UPF1: variants seen among roughly 807,000 people sequenced by gnomAD.
UPF1 encodes the protein regulator of nonsense transcripts 1.
A neutral mutation model predicts 129.2 loss-of-function variants in UPF1; 9 were observed. The observed-to-expected ratio is 0.07, with a 90% confidence interval of 0.04 to 0.12. The LOEUF is 0.12. Ranked by LOEUF, UPF1 falls within the 10% of genes least tolerant of loss-of-function variation. The pLI is 1.00. For synonymous variants in UPF1, 649 were observed against 644.9 expected, an observed-to-expected ratio of 1.01 and a Z score of -0.10; for missense variants, 788 against 1,525.3, an observed-to-expected ratio of 0.52 and a Z score of 8.05.
intron 3 of UPF1, 26 bp downstream of exon 3, chr19:18,847,859 G>C (rs368539038): frequency 1.2e-6 from 2 of 1,603,618 alleles, no homozygotes; most frequent in Admixed American, 1.7e-5. Context: ...ATGCATGTGT[G>C]TTTAATCAGT....
intron 1 of UPF1, among the ~76,000 whole-genome samples, chr19:18,837,950 C>G (rs1381185870): frequency 6.6e-6 from 1 of 152,246 alleles, no homozygotes; most frequent in Non-Finnish European, 1.5e-5. Flanking sequence ...TCCTGCCAGA[C>G]TTCTCTGTAT....
At chr19:18,843,692 T>TTTTAGTA (rs2055566453) in intron 1 of UPF1, among the ~76,000 whole-genome samples, 1 of 150,300 alleles carries the variant, frequency 6.7e-6, no homozygotes, top group Non-Finnish European at 1.5e-5. Flanking sequence ...TTAGTAGAGA[T>TTTTAGTA]GGGGTTTTGC....
In UPF1 at chr19:18,851,762, G is replaced by C. The variant is rs971863262; in HGVS notation, c.811-373G>C. Among the ~76,000 whole-genome samples, 27 of 152,356 alleles carry C rather than the reference G, an allele frequency of 1.8e-4. No homozygotes were observed. Among genetic ancestry groups the C allele is most frequent in the African/African-American group, 6.0e-4 (25 of 41,578 alleles). ...CCTGCGAGGCGGGTTAGCTGCTCTCGTTCACAAGCTGGGCATACTTGGAGG... is the reference window on the plus strand; with the variant it reads ...CCTGCGAGGCGGGTTAGCTGCTCTCCTTCACAAGCTGGGCATACTTGGAGG... On this transcript the variant is annotated intron_variant, in intron 5 of 23. Transcript: ENST00000262803. This position sits in a 1 kb window ranked among gnomAD's most constrained non-coding sequence, Gnocchi z 4.2.
chr19:18,862,289 T>TG, intron 18 of UPF1, 137 bp downstream of exon 18: 1 of 1,356,698 alleles, frequency 7.4e-7, no homozygotes, highest in Non-Finnish European at 9.9e-7. Flanking sequence ...GATGTCTCAC[T>TG]GGAGAGATCT....
rs766286955 is a variant in UPF1, at chr19:18,857,334, C to T, written c.1983C>T (p.Gly661=). Residue 661 remains glycine (G), a synonymous_variant, in exon 15 of 24, where the codon GGC becomes GGT. Transcript: ENST00000262803. ...TGTTCCTACAGCTGATCCTTGTAGG[C>T]GACCACTGCCAGCTGGGCCCAGTGG... is the stretch of plus-strand genomic sequence containing the variant. ...VLGAKQLILV[G]DHCQLGPVVM... 9.3e-6 allele frequency: 15 copies of T among 1,612,136 alleles called. No individual in the cohort carries two copies. Among genetic ancestry groups the T allele is most frequent in the East Asian group, 2.2e-5 (1 of 44,884 alleles).
chr19:18,862,081 G>A lies in UPF1; in HGVS notation c.2529G>A (p.Arg843=), dbSNP rs1441116344. Residue 843 remains arginine, a synonymous_variant, in exon 18 of 24, where the codon CGG becomes CGA. Transcript: ENST00000262803. Reference sequence around the variant, plus strand: ...ACTTCATCATCCTGTCCTGTGTGCGGGCCAACGAGCACCAAGGCATTGGCT... The same window carrying A: ...ACTTCATCATCCTGTCCTGTGTGCGAGCCAACGAGCACCAAGGCATTGGCT... ...EKDFIILSCV[R]ANEHQGIGFL... is the part of the protein sequence containing the mutation. 1.2e-6 allele frequency: 2 copies of A among 1,614,046 alleles called. No individual in the cohort carries two copies. The highest frequency in any genetic ancestry group is 1.1e-5 in the South Asian group (1 of 91,076).
chr19:18,856,327 G>T (rs2055717614), intron 13 of UPF1, 27 bp downstream of exon 13: 1 of 1,569,364 alleles, frequency 6.4e-7, no homozygotes, highest in South Asian at 1.1e-5. Flanking sequence ...CCTGCAAAAG[G>T]GCCTGTGGGC....
chr19:18,849,724 G>GT, intron 3 of UPF1: 4 of 270,542 alleles, frequency 1.5e-5, no homozygotes, highest in South Asian at 7.0e-5. Flanking sequence ...GAAGGGGCTG[G>GT]GGCCTTGTGG....
chr19:18,855,688 A>AG, intron 11 of UPF1: 1 of 588,702 alleles, frequency 1.7e-6, no homozygotes, highest in South Asian at 2.2e-5. Context: ...TACAAAAAAA[A>AG]AATTCAGAAA....
At position 18,850,998 on chromosome 19, in the gene UPF1, T is replaced by C; in HGVS notation, c.810+130T>C. On this transcript the variant is annotated intron_variant, in intron 5 of 23. Transcript: ENST00000262803. This position sits in a 1 kb window ranked among gnomAD's most constrained non-coding sequence, Gnocchi z 7.1. Reference sequence around the variant, plus strand: ...TCTGAAAGGAATTCAGGCAGACCTCTGCCACCTCTACGTGGAATGACCTCA... The same window carrying C: ...TCTGAAAGGAATTCAGGCAGACCTCCGCCACCTCTACGTGGAATGACCTCA... 1 of 1,203,148 alleles carries C rather than the reference T, an allele frequency of 8.3e-7. No homozygotes were observed. Among genetic ancestry groups the C allele is most frequent in the Admixed American group, 3.2e-5 (1 of 31,184 alleles). 74.5% of individuals were successfully genotyped at this position (1,203,148 alleles called of 1,614,324 possible).
At position 18,867,401 on chromosome 19, in the gene UPF1, C is replaced by T. The variant is rs1407963835; in HGVS notation, c.*884C>T. 1.3e-5 allele frequency: 2 copies of T among 152,292 alleles called. No individual in the cohort carries two copies. The highest frequency in any genetic ancestry group is 4.8e-5 in the African/African-American group (2 of 41,474). The allele number at this position is 152,292 out of a possible 1,614,324, so 9.4% of individuals were successfully genotyped here. ...GGGCCCCGCACCGGTGAGGAAGGTGCTTTTGGCCCCATTGCGAGGGGCCTT... is the reference window on the plus strand; with the variant it reads ...GGGCCCCGCACCGGTGAGGAAGGTGTTTTTGGCCCCATTGCGAGGGGCCTT... On this transcript the variant is annotated 3_prime_UTR_variant, in exon 24 of 24. Transcript: ENST00000262803.
intron 11 of UPF1, 181 bp from the exon 12 acceptor site, chr19:18,855,744 A>T: frequency 3.6e-6 from 3 of 828,820 alleles, no homozygotes; most frequent in Non-Finnish European, 5.5e-6. Context: ...GCTACTCAGG[A>T]GGCTGAGGTG....
intron 1 of UPF1, among the ~76,000 whole-genome samples, chr19:18,833,826 C>T (rs1463679420): frequency 6.6e-6 from 1 of 152,264 alleles, no homozygotes. Flanking sequence ...GGGGGGCTTA[C>T]GTGGTAGTCG....
Position 18,850,021 on chromosome 19 carries a change from A to G in UPF1, c.462-54A>G. The G allele has an allele frequency of 2.5e-6, 4 of 1,609,978 alleles. No individual in the cohort carries two copies. Among genetic ancestry groups the G allele is most frequent in the South Asian group, 1.1e-5 (1 of 90,734 alleles). On this transcript the variant is annotated intron_variant, in intron 3 of 23. Coordinates refer to ENST00000262803, the MANE Select transcript of UPF1 (RefSeq NM_002911.4). The surrounding 1 kb of genome is among the most constrained non-coding windows in gnomAD (Gnocchi z 7.1). ...TTTTAACAGGGGCCCGAAAATTGGAAGTGGTGAAAAGCCAAATTTTGGGTG... is the reference window on the plus strand; with the variant it reads ...TTTTAACAGGGGCCCGAAAATTGGAGGTGGTGAAAAGCCAAATTTTGGGTG...
At chr19:18,834,367 G>A (rs932496705) in intron 1 of UPF1, among the ~76,000 whole-genome samples, 4 of 152,172 alleles carry the variant, frequency 2.6e-5, no homozygotes, top group Non-Finnish European at 5.9e-5. Flanking sequence ...GCAAACCTGG[G>A]GCAGCCTTTA....
At chr19:18,854,800 C>T (rs2055697646) in intron 9 of UPF1, 79 bp from the exon 10 acceptor site, 2 of 1,606,266 alleles carry the variant, frequency 1.2e-6, no homozygotes, top group Admixed American at 3.4e-5. Context: ...GTGGGGTTCC[C>T]CACCCAGCTC....
chr19:18,838,949 G>T (rs1016343043), intron 1 of UPF1, among the ~76,000 whole-genome samples: 2 of 151,876 alleles, frequency 1.3e-5, no homozygotes, highest in Non-Finnish European at 2.9e-5. Context: ...ACGGGGTGGG[G>T]GATTATGACT....
At chr19:18,842,118 G>T (rs1032766557) in intron 1 of UPF1, among the ~76,000 whole-genome samples, 1 of 152,076 alleles carries the variant, frequency 6.6e-6, no homozygotes, top group Non-Finnish European at 1.5e-5. Flanking sequence ...GGAATGGAGA[G>T]CCTGGGGACC....
intron 15 of UPF1, chr19:18,860,050 A>G: frequency 4.8e-6 from 2 of 419,456 alleles, no homozygotes; most frequent in South Asian, 7.8e-5. Flanking sequence ...GCTGCAAGAA[A>G]GCCCTGGCTG....
Sources: gnomAD v4.1 joint callset for allele counts (sites outside exome capture counted in the v4.1 genomes callset) on GRCh38, gnomAD v4.1.1 for gene constraint, Gnocchi (gnomAD v3.1) non-coding constraint, MANE v1.5 for transcripts, NCBI Gene and HGNC (gene_info 2026-07-23, HGNC 2026-07-21) for gene names.